The following SYCP2 variants were observed in gnomAD, a reference collection of about 807,000 sequenced individuals.
The protein encoded by SYCP2 is synaptonemal complex lateral element protein.
Under a neutral mutation model 211.3 loss-of-function variants are expected in SYCP2, and 55 were observed. The observed-to-expected ratio is 0.26, with a 90% CI of 0.21 to 0.33. SYCP2 has a LOEUF of 0.33. SYCP2 is among the 10% of genes least tolerant of loss of function. The probability of loss-of-function intolerance (pLI) is 1.00; values close to 1 mark genes in which losing one functional copy is unlikely to be tolerated. For synonymous variants in SYCP2, 570 were observed against 555.2 expected (o/e 1.03, Z -0.37); for missense variants, 1,731 against 1,752.0 (o/e 0.99, Z 0.21).
chr20:59,931,133 C>G (rs1367267179), intron 2 of SYCP2, among the ~76,000 whole-genome samples: 1 of 152,170 alleles, frequency 6.6e-6, no homozygotes, highest in Non-Finnish European at 1.5e-5. Flanking sequence ...AAAATAATAG[C>G]CTTGGCTGGT....
At chr20:59,919,402 T>C in intron 6 of SYCP2, 91 bp downstream of exon 6, 2 of 962,846 alleles carry the variant, frequency 2.1e-6, no homozygotes, top group Non-Finnish European at 3.3e-6. Flanking sequence ...AATCTGTTAG[T>C]GACTTTTAGG....
intron 29 of SYCP2, among the ~76,000 whole-genome samples, 177 bp downstream of exon 29, chr20:59,881,260 T>C (rs1212689537): frequency 6.6e-6 from 1 of 151,764 alleles, no homozygotes; most frequent in African/African-American, 2.4e-5. Context: ...ATATTCAAAG[T>C]GATAATTTGC....
intron 39 of SYCP2, 84 bp downstream of exon 39, chr20:59,867,627 G>C: frequency 8.2e-7 from 1 of 1,223,028 alleles, no homozygotes; most frequent in Non-Finnish European, 1.1e-6. Flanking sequence ...GTTGCCAAAG[G>C]ATCAAACAAG....
Position 59,922,406 on chromosome 20 carries a change from A to C in SYCP2, c.8T>G (p.Ile3Arg). Reference protein sequence around the residue: MPIRPDLQQLEKC... With the variant: MPRRPDLQQLEKC... ...ACTACATACCTGGAGATCTGGTCTT[A>C]TTGGCATTTTGACTTCATTTAAAAA... The change falls in exon 3 of 45, where the codon ATA (isoleucine) becomes AGA (arginine). Residue 3 changes from isoleucine to arginine, a missense_variant. Around this residue, in one of 3 missense-constraint regions of SYCP2, gnomAD observed 335 missense variants for 378.8 expected, o/e 0.88. Transcript: ENST00000357552. 1 of 1,551,116 alleles carries C rather than the reference A, an allele frequency of 6.4e-7. No individual in the cohort carries two copies. Among genetic ancestry groups the C allele is most frequent in the African/African-American group, 1.4e-5 (1 of 71,184 alleles).
At position 59,920,373 on chromosome 20, in the gene SYCP2, CTTGTT is replaced by C; in HGVS notation, c.278_282del (p.Lys93ArgfsTer11). ...TCTATACTTATCTTTTGTATTAGTC[CTTGTT>C]TTATCATCGTTAGAAGTCCAGCTTG... On this transcript the variant is annotated frameshift_variant, in exon 5 of 45. Transcript: ENST00000357552. LOFTEE classifies it high-confidence loss of function. 6.2e-7 allele frequency: 1 copy of C among 1,606,398 alleles called. No homozygotes were observed. The highest frequency in any genetic ancestry group is 8.5e-7 in the Non-Finnish European group (1 of 1,175,228).
Position 59,893,493 on chromosome 20 carries a change from A to G in SYCP2, c.1735+31T>C, listed in dbSNP as rs563674482. 3.2e-5 allele frequency: 47 copies of G among 1,448,816 alleles called. No individual in the cohort carries two copies. In the South Asian group the frequency reaches 5.3e-4, roughly 16 times the overall value. The allele number at this position is 1,448,816 out of a possible 1,614,324, so 89.7% of individuals were successfully genotyped here. A position where few individuals can be genotyped will look rare whatever the true frequency, so the allele number is the denominator to read the frequency against. On this transcript the variant is annotated intron_variant, in intron 21 of 44. Transcript: ENST00000357552. Reference sequence around the variant, plus strand: ...GAGAAGTATATACATTTTCTTAAAAAAATGACTAAATTAAACCACAAGGTA... The same window carrying G: ...GAGAAGTATATACATTTTCTTAAAAGAATGACTAAATTAAACCACAAGGTA...
At chr20:59,890,127 T>A (rs911015687) in intron 24 of SYCP2, among the ~76,000 whole-genome samples, 6 of 152,040 alleles carry the variant, frequency 3.9e-5, no homozygotes, top group Non-Finnish European at 8.8e-5. Context: ...CTATTCACAA[T>A]AGCAAAGACT....
At position 59,895,625 on chromosome 20, in the gene SYCP2, T is replaced by C. The variant is rs1258074917; in HGVS notation, c.1505-28A>G. The C allele has an allele frequency of 1.9e-6, 3 of 1,605,660 alleles. No homozygotes were observed. The African/African-American group carries it at 4.0e-5, about 22-fold the overall frequency. On this transcript the variant is annotated intron_variant, in intron 19 of 44. Transcript: ENST00000357552. ...AAAAAGGAGGACAAGGATTGCAGAT[T>C]TTTCTTTTTTTACCTATTGCTATTA...
chr20:59,902,155 CAAT>C (rs1166997743), intron 15 of SYCP2, among the ~76,000 whole-genome samples: 1 of 152,006 alleles, frequency 6.6e-6, no homozygotes, highest in East Asian at 1.9e-4. Flanking sequence ...CAAACAAAAA[CAAT>C]AACTTTAATT....
At chr20:59,887,238 G>A (rs565096963) in intron 24 of SYCP2, among the ~76,000 whole-genome samples, 4 of 151,916 alleles carry the variant, frequency 2.6e-5, no homozygotes, top group Non-Finnish European at 5.9e-5. Flanking sequence ...ACCTACAAGT[G>A]AGAACATGCG....
In SYCP2 at chr20:59,864,405, A is replaced by T. The variant is rs192872603; in HGVS notation, c.4516-17T>A. ...CTCTTCTAGCTATAGCCAAGAAAAA[A>T]AAAATCACACTTAGATTTCACATTT... On this transcript the variant is annotated splice_polypyrimidine_tract_variant and intron_variant, in intron 44 of 44. Coordinates refer to ENST00000357552, the MANE Select transcript of SYCP2 (RefSeq NM_014258.4). 7.1e-6 allele frequency: 11 copies of T among 1,548,544 alleles called. No individual in the cohort carries two copies. Among genetic ancestry groups the T allele is most frequent in the Admixed American group, 6.0e-5 (3 of 50,194 alleles).
intron 15 of SYCP2, among the ~76,000 whole-genome samples, chr20:59,903,214 T>G (rs964834364): frequency 1.3e-5 from 2 of 152,158 alleles, no homozygotes; most frequent in African/African-American, 2.4e-5. Flanking sequence ...CTGGACTATA[T>G]AATGGCTTGG....
chr20:59,920,414 C>T lies in SYCP2; in HGVS notation c.242G>A (p.Ser81Asn). 1.2e-6 allele frequency: 2 copies of T among 1,610,264 alleles called. No homozygotes were observed. The highest frequency in any genetic ancestry group is 1.1e-5 in the South Asian group (1 of 90,778). Residue 81 changes from serine to asparagine, a missense_variant, in exon 5 of 45, where the codon AGT becomes AAT. This residue lies in a region of SYCP2 where 335 missense variants were observed against 378.8 expected (regional missense o/e 0.88). Transcript: ENST00000357552. ...VSVGRCGKNI[S>N]VLGQAGLLTM... is the part of the protein sequence containing the mutation. ...TAGAAGTCCAGCTTGCCCCAATACA[C>T]TGATATTTTTGCCACATCTTCCAAC...
At chr20:59,880,563 A>T (rs762235519) in intron 30 of SYCP2, 92 bp from the exon 31 acceptor site, 17 of 732,008 alleles carry the variant, frequency 2.3e-5, no homozygotes, top group Admixed American at 3.6e-5. Flanking sequence ...AACAACAAAA[A>T]AAAACAAAAC....
chr20:59,880,099 T>C (rs1052561609), intron 31 of SYCP2, among the ~76,000 whole-genome samples: 6 of 151,052 alleles, frequency 4.0e-5, no homozygotes, highest in African/African-American at 1.5e-4. Context: ...AAGTCATAAT[T>C]TGTGTCCCTA....
At chr20:59,902,335 A>G (rs1371130509) in intron 15 of SYCP2, among the ~76,000 whole-genome samples, 2 of 152,096 alleles carry the variant, frequency 1.3e-5, no homozygotes, top group Non-Finnish European at 2.9e-5. Flanking sequence ...CCAATCCAGT[A>G]AACAGAGAAT....
At chr20:59,900,038 CAAT>C (rs2060085432) in intron 18 of SYCP2, 97 bp downstream of exon 18, 1 of 1,264,676 alleles carries the variant, frequency 7.9e-7, no homozygotes, top group African/African-American at 1.5e-5. Context: ...TGATCAAGGC[CAAT>C]AATATATAAA....
chr20:59,870,293 A>G (rs1262136522), intron 35 of SYCP2, among the ~76,000 whole-genome samples: 1 of 151,766 alleles, frequency 6.6e-6, no homozygotes, highest in Non-Finnish European at 1.5e-5. Context: ...TTCATGTGTA[A>G]CAGTTTATAT....
At chr20:59,932,707 C>T (rs1013304501) in intron 1 of SYCP2, among the ~76,000 whole-genome samples, 4 of 152,120 alleles carry the variant, frequency 2.6e-5, no homozygotes, top group Non-Finnish European at 5.9e-5. Flanking sequence ...ACCACGCTGC[C>T]GTATTCGCAG....
Sources: allele counts gnomAD v4.1 joint callset (sites outside exome capture counted in the v4.1 genomes callset), GRCh38; gene constraint gnomAD v4.1.1; regional missense constraint gnomAD v4.1.1; transcripts MANE v1.5; gene names NCBI Gene and HGNC (gene_info 2026-07-23, HGNC 2026-07-21).